The following CNTN4 variants were observed in gnomAD, a reference collection of about 807,000 sequenced individuals.
The protein encoded by CNTN4 is contactin 4, also known as contactin-4.
In CNTN4, 77 loss-of-function variants were observed where a neutral mutation model predicts 122.5. That is an observed-to-expected ratio of 0.63 (90% CI 0.52 to 0.76). The LOEUF (loss-of-function observed/expected upper bound fraction) is 0.76, where lower values mean the gene tolerates loss of function less well. Ranked by LOEUF, CNTN4 falls within the 30% of genes least tolerant of loss-of-function variation. CNTN4 has a pLI of 0.00. For missense variants in CNTN4, 1,256 were observed against 1,259.1 expected, an observed-to-expected ratio of 1.00 and a Z score of 0.04; for synonymous variants, 512 against 447.0, an observed-to-expected ratio of 1.15 and a Z score of -1.83.
chr3:2,781,681 C>G (rs1166641020), intron 6 of CNTN4, among the ~76,000 whole-genome samples: 1 of 150,196 alleles, frequency 6.7e-6, no homozygotes, highest in Non-Finnish European at 1.5e-5. Context: ...GGCAGGACAG[C>G]TCAAAGGTGG....
chr3:2,762,839 T>C (rs989207944), intron 6 of CNTN4, among the ~76,000 whole-genome samples: 2 of 152,120 alleles, frequency 1.3e-5, no homozygotes, highest in African/African-American at 4.8e-5. Flanking sequence ...CCAGCATCTG[T>C]TATTTTTTTA....
chr3:2,597,221 T>C (rs547148863), intron 4 of CNTN4, among the ~76,000 whole-genome samples: 3 of 152,170 alleles, frequency 2.0e-5, no homozygotes, highest in Non-Finnish European at 2.9e-5. Flanking sequence ...AGCAGTTCCA[T>C]AGCCAAGATT....
Position 2,162,073 on chromosome 3 carries a change from A to T in CNTN4, c.-145+61434A>T, listed in dbSNP as rs140082285. Among the ~76,000 whole-genome samples the T allele has an allele frequency of 8.5e-4, 129 of 152,296 alleles. 1 individual carries two copies. Among genetic ancestry groups the T allele is most frequent in the Non-Finnish European group, 1.7e-3 (116 of 68,020 alleles). On this transcript the variant is annotated intron_variant, in intron 2 of 24. Transcript: ENST00000418658. Reference sequence around the variant, plus strand: ...TTTAATTTAGTTTTATTCTTTTTCAATGAGAATACAGATTTCAAACTAAAT... The same window carrying T: ...TTTAATTTAGTTTTATTCTTTTTCATTGAGAATACAGATTTCAAACTAAAT...
intron 10 of CNTN4, among the ~76,000 whole-genome samples, chr3:2,897,755 A>T (rs1412263238): frequency 6.6e-6 from 1 of 152,206 alleles, no homozygotes; most frequent in Non-Finnish European, 1.5e-5. Flanking sequence ...TATGAGATCA[A>T]GTGTGAAATT....
At chr3:2,535,868 G>C (rs945390106) in intron 3 of CNTN4, among the ~76,000 whole-genome samples, 1 of 152,052 alleles carries the variant, frequency 6.6e-6, no homozygotes, top group African/African-American at 2.4e-5. Context: ...AAATGTTTGA[G>C]ATGTCTCTGT....
At chr3:2,436,655 A>G (rs959261927) in intron 3 of CNTN4, among the ~76,000 whole-genome samples, 1 of 151,970 alleles carries the variant, frequency 6.6e-6, no homozygotes, top group Non-Finnish European at 1.5e-5. Flanking sequence ...TTATGCCATC[A>G]ACTCTGACAG....
chr3:2,583,733 A>C (rs2080051719), intron 4 of CNTN4, among the ~76,000 whole-genome samples: 1 of 152,188 alleles, frequency 6.6e-6, no homozygotes, highest in African/African-American at 2.4e-5. Flanking sequence ...CTGTTCATTC[A>C]TTTAATAACA....
At chr3:2,458,767 T>C (rs1310172430) in intron 3 of CNTN4, among the ~76,000 whole-genome samples, 2 of 152,152 alleles carry the variant, frequency 1.3e-5, no homozygotes, top group African/African-American at 2.4e-5. Flanking sequence ...TTTAAATGGA[T>C]TTTTTGATAG....
At chr3:2,429,142 A>G (rs1235338649) in intron 3 of CNTN4, among the ~76,000 whole-genome samples, 2 of 152,186 alleles carry the variant, frequency 1.3e-5, no homozygotes, top group Non-Finnish European at 2.9e-5. Flanking sequence ...CATTCCTTTG[A>G]AGGCAAAGAG....
At chr3:2,893,392 C>T (rs888855087) in intron 10 of CNTN4, among the ~76,000 whole-genome samples, 1 of 152,140 alleles carries the variant, frequency 6.6e-6, no homozygotes, top group Non-Finnish European at 1.5e-5. Flanking sequence ...GACAGAGTAA[C>T]CAAAGACTGA....
intron 3 of CNTN4, among the ~76,000 whole-genome samples, chr3:2,496,854 A>G (rs1038004154): frequency 2.6e-5 from 4 of 152,280 alleles, no homozygotes; most frequent in African/African-American, 4.8e-5. Context: ...GGCTCTCACA[A>G]TTATGGAGAC....
chr3:2,360,151 A>G (rs555947658), intron 3 of CNTN4, among the ~76,000 whole-genome samples: 5 of 152,338 alleles, frequency 3.3e-5, no homozygotes, highest in Non-Finnish European at 7.3e-5. Context: ...AGTAAATGGA[A>G]AATGTCACAG....
At chr3:2,468,415 C>A (rs780298893) in intron 3 of CNTN4, among the ~76,000 whole-genome samples, 1 of 152,012 alleles carries the variant, frequency 6.6e-6, no homozygotes, top group Non-Finnish European at 1.5e-5. Flanking sequence ...AGAAAAGATA[C>A]CATCAAGCAT....
intron 2 of CNTN4, among the ~76,000 whole-genome samples, chr3:2,305,348 C>T (rs1276613631): frequency 6.6e-6 from 1 of 152,108 alleles, no homozygotes; most frequent in Non-Finnish European, 1.5e-5. Context: ...AAGTATTTCA[C>T]AGCACACTTG....
intron 2 of CNTN4, among the ~76,000 whole-genome samples, chr3:2,164,042 G>C (rs2036079766): frequency 1.3e-5 from 2 of 152,078 alleles, no homozygotes. Flanking sequence ...GGAGGTGGAT[G>C]GGGGATAAAA....
intron 10 of CNTN4, among the ~76,000 whole-genome samples, chr3:2,895,840 C>CT (rs1254795907): frequency 6.6e-6 from 1 of 152,178 alleles, no homozygotes. Flanking sequence ...CGAGACCATC[C>CT]TGGCTAACAG....
chr3:2,400,423 ATATACATATATATATATATATATATATC>A lies in CNTN4; in HGVS notation c.-89+61192_-89+61219del, dbSNP rs1559519881. 8.3e-5 allele frequency among the ~76,000 whole-genome samples: 5 copies of A among 60,426 alleles called. 1 individual carries two copies. In the Admixed American group the frequency reaches 1.2e-3, roughly 14 times the overall value. The allele number at this position is 60,426 out of a possible 152,430, so 39.6% of individuals were successfully genotyped here. ...TGTGTGAATATATATATATATATAT[ATATACATATATATATATATATATATATC>A]TCTTTTTTTCCTTCTTCTTAAATTT... On this transcript the variant is annotated intron_variant, in intron 3 of 24. Coordinates refer to ENST00000418658, the MANE Select transcript of CNTN4 (RefSeq NM_175607.3).
chr3:2,263,703 G>A (rs2040929224), intron 2 of CNTN4, among the ~76,000 whole-genome samples: 1 of 151,890 alleles, frequency 6.6e-6, no homozygotes, highest in African/African-American at 2.4e-5. Context: ...TTTCCCTATT[G>A]TAGAGTCAAA....
chr3:2,562,641 G>A (rs1576004153), intron 3 of CNTN4, among the ~76,000 whole-genome samples: 1 of 151,750 alleles, frequency 6.6e-6, no homozygotes, highest in South Asian at 2.1e-4. Flanking sequence ...GGGCACGTAG[G>A]TTGATTCTAT....
Sources: gnomAD v4.1 joint callset for allele counts (sites outside exome capture counted in the v4.1 genomes callset) on GRCh38, gnomAD v4.1.1 for gene constraint, MANE v1.5 for transcripts, NCBI Gene and HGNC (gene_info 2026-07-23, HGNC 2026-07-21) for gene names.